Variants in LHFPL6 observed in about 807,000 individuals in gnomAD.
LHFPL6 encodes LHFPL tetraspan subfamily member 6.
In LHFPL6, 9 loss-of-function variants were observed where a neutral mutation model predicts 20.6. The observed-to-expected ratio is 0.44, with a 90% confidence interval of 0.26 to 0.76. The LOEUF (loss-of-function observed/expected upper bound fraction) is 0.76, where lower values mean the gene tolerates loss of function less well. Ranked by LOEUF, LHFPL6 falls within the 30% of genes least tolerant of loss-of-function variation. LHFPL6 has a pLI of 0.20. For missense variants in LHFPL6, 218 were observed against 253.5 expected (o/e 0.86, Z 0.95); for synonymous variants, 105 against 98.7 (o/e 1.06, Z -0.38).
chr13:39,453,427 C>T (rs1218937942), intron 2 of LHFPL6, among the ~76,000 whole-genome samples: 1 of 152,186 alleles, frequency 6.6e-6, no homozygotes, highest in Non-Finnish European at 1.5e-5. Context: ...TTAACTCATG[C>T]AGTACCTTTT....
chr13:39,359,801 A>T (rs77517664), intron 3 of LHFPL6, among the ~76,000 whole-genome samples: 2 of 152,036 alleles, frequency 1.3e-5, no homozygotes, highest in Non-Finnish European at 2.9e-5. Flanking sequence ...GAAAAAAAAA[A>T]CTGCAGCTCT....
chr13:39,482,741 G>C (rs1405698282), intron 2 of LHFPL6, among the ~76,000 whole-genome samples: 1 of 152,144 alleles, frequency 6.6e-6, no homozygotes. Context: ...GAGTAAGAGG[G>C]AAGCACAGAC....
chr13:39,361,748 A>G (rs1396707243), intron 3 of LHFPL6, among the ~76,000 whole-genome samples: 1 of 152,234 alleles, frequency 6.6e-6, no homozygotes, highest in Non-Finnish European at 1.5e-5. Flanking sequence ...TTTATTAATA[A>G]TTCTGTATGT....
chr13:39,416,965 T>A (rs886803553), intron 2 of LHFPL6, among the ~76,000 whole-genome samples: 1 of 152,226 alleles, frequency 6.6e-6, no homozygotes, highest in African/African-American at 2.4e-5. Flanking sequence ...AACATGAACA[T>A]GTTTTTGTTT....
intron 2 of LHFPL6, among the ~76,000 whole-genome samples, chr13:39,538,110 C>A (rs1870683617): frequency 1.3e-5 from 2 of 151,512 alleles, no homozygotes; most frequent in Admixed American, 1.3e-4. Flanking sequence ...CCTGCCTCAG[C>A]CCCCAAGTAG....
chr13:39,368,286 G>GAA (rs57555048), intron 3 of LHFPL6, among the ~76,000 whole-genome samples: 82,008 of 148,468 alleles, frequency 0.55, 23,202 homozygotes, highest in East Asian at 0.7. Flanking sequence ...GGCGGTGGAG[G>GAA]AAAAAAAAAA....
At chr13:39,602,587 T>G (rs1215854944) in intron 1 of LHFPL6, among the ~76,000 whole-genome samples, 1 of 151,920 alleles carries the variant, frequency 6.6e-6, no homozygotes, top group East Asian at 1.9e-4. Context: ...CCCCTGCCAT[T>G]GCCTCACCGA....
chr13:39,549,451 C>A (rs750929888), intron 2 of LHFPL6, among the ~76,000 whole-genome samples: 9 of 152,026 alleles, frequency 5.9e-5, no homozygotes, highest in African/African-American at 2.2e-4. Context: ...AGATACAACA[C>A]AAAAACCACA....
At chr13:39,382,941 GA>G (rs1461049015) in intron 2 of LHFPL6, among the ~76,000 whole-genome samples, 1 of 151,974 alleles carries the variant, frequency 6.6e-6, no homozygotes, top group South Asian at 2.1e-4. Context: ...ACATTTCTGG[GA>G]AAAAAATGTA....
chr13:39,567,171 AG>A (rs1424340901), intron 2 of LHFPL6, among the ~76,000 whole-genome samples: 1 of 152,150 alleles, frequency 6.6e-6, no homozygotes, highest in African/African-American at 2.4e-5. Flanking sequence ...CACAGAATTA[AG>A]CAGGAACACA....
At chr13:39,571,685 C>T (rs892528630) in intron 2 of LHFPL6, among the ~76,000 whole-genome samples, 8 of 152,244 alleles carry the variant, frequency 5.3e-5, no homozygotes, top group Non-Finnish European at 1.0e-4. Flanking sequence ...GGAGGGCAGC[C>T]ACCCCACACA....
At chr13:39,363,583 G>T (rs748907475) in intron 3 of LHFPL6, among the ~76,000 whole-genome samples, 1 of 152,048 alleles carries the variant, frequency 6.6e-6, no homozygotes, top group Non-Finnish European at 1.5e-5. Flanking sequence ...GCCATCTCCC[G>T]TACTTTCCCA....
At chr13:39,450,157 A>G (rs1483479264) in intron 2 of LHFPL6, among the ~76,000 whole-genome samples, 7 of 152,238 alleles carry the variant, frequency 4.6e-5, no homozygotes, top group Non-Finnish European at 8.8e-5. Context: ...CTAAATTTCT[A>G]AAGAATGTTA....
intron 2 of LHFPL6, among the ~76,000 whole-genome samples, chr13:39,523,755 A>G (rs1870195423): frequency 6.6e-6 from 1 of 152,198 alleles, no homozygotes; most frequent in Non-Finnish European, 1.5e-5. Flanking sequence ...CTAACTAGGT[A>G]TATCAATACA....
At chr13:39,436,915 G>A (rs35729294) in intron 2 of LHFPL6, among the ~76,000 whole-genome samples, 15,141 of 152,194 alleles carry the variant, frequency 0.099, 1,139 homozygotes, top group Admixed American at 0.23. Context: ...CCACTTGATC[G>A]CACAGTAGTT....
chr13:39,589,234 G>C (rs2138546884), intron 2 of LHFPL6, among the ~76,000 whole-genome samples: 1 of 152,220 alleles, frequency 6.6e-6, no homozygotes, highest in East Asian at 1.9e-4. Context: ...AGCCTCCTGA[G>C]TAGCCGAGAT....
At chr13:39,369,597 T>TCCTTCCTC (rs763910245) in intron 3 of LHFPL6, among the ~76,000 whole-genome samples, 7 of 87,364 alleles carry the variant, frequency 8.0e-5, no homozygotes, top group Non-Finnish European at 1.2e-4. Context: ...CTTCCTTCCT[T>TCCTTCCTC]CCTCCCTCTC....
At chr13:39,540,219 T>A (rs1365986229) in intron 2 of LHFPL6, among the ~76,000 whole-genome samples, 9 of 152,152 alleles carry the variant, frequency 5.9e-5, no homozygotes, top group Non-Finnish European at 1.2e-4. Context: ...ATTTTCATGA[T>A]AATATATTTT....
intron 2 of LHFPL6, among the ~76,000 whole-genome samples, chr13:39,488,539 C>A (rs1178746803): frequency 6.6e-6 from 1 of 152,142 alleles, no homozygotes; most frequent in East Asian, 1.9e-4. Flanking sequence ...TCTCTCCTAT[C>A]AAAAATGCAA....
Sources: allele counts gnomAD v4.1 joint callset (sites outside exome capture counted in the v4.1 genomes callset), GRCh38; gene constraint gnomAD v4.1.1; transcripts MANE v1.5; gene names NCBI Gene and HGNC (gene_info 2026-07-23, HGNC 2026-07-21).